GALNS: variants seen among roughly 807,000 people sequenced by gnomAD.
GALNS encodes galactosamine (N-acetyl)-6-sulfatase, also known as N-acetylgalactosamine-6-sulfatase.
GALNS carries 65 observed loss-of-function variants against 65.9 expected under a neutral mutation model. That is an observed-to-expected ratio of 0.99 (90% CI 0.81 to 1.21). GALNS has a LOEUF of 1.21. Among genes scored for constraint, GALNS ranks in the 50% most tolerant of loss-of-function variants. The pLI, the probability that GALNS is intolerant of heterozygous loss-of-function variation, is 0.00. For missense variants in GALNS, 776 were observed against 700.7 expected, an observed-to-expected ratio of 1.11 and a Z score of -1.21; for synonymous variants, 346 against 288.9, an observed-to-expected ratio of 1.20 and a Z score of -2.00.
intron 11 of GALNS, among the ~76,000 whole-genome samples, chr16:88,823,814 G>A (rs1028193033): frequency 4.8e-5 from 7 of 145,832 alleles, no homozygotes; most frequent in Non-Finnish European, 3.0e-5. Flanking sequence ...GCCCTCGCAG[G>A]CGGCAATGCC....
intron 1 of GALNS, chr16:88,856,429 C>G (rs1597612792): frequency 4.3e-6 from 3 of 700,858 alleles, no homozygotes; most frequent in Admixed American, 2.0e-5. Context: ...AGGCAGGGCC[C>G]GGTAGCACGC....
intron 13 of GALNS, chr16:88,817,200 A>G: frequency 1.0e-6 from 1 of 985,266 alleles, no homozygotes; most frequent in Non-Finnish European, 1.2e-6. Context: ...GGGGACAGAA[A>G]AGCTGCTCCT....
intron 3 of GALNS, 130 bp downstream of exon 3, chr16:88,841,767 A>T: frequency 1.2e-6 from 1 of 819,546 alleles, no homozygotes; most frequent in Non-Finnish European, 2.0e-6. Context: ...CCTAAGTCCC[A>T]GAGACCCAGG....
At position 88,835,843 on chromosome 16, in the gene GALNS, G is replaced by C. The variant is rs1424752390; in HGVS notation, c.640C>G (p.Leu214Val). 3.7e-6 allele frequency: 6 copies of C among 1,613,928 alleles called. No individual in the cohort carries two copies. The African/African-American group carries it at 8.0e-5, about 22-fold the overall frequency. Residue 214 changes from leucine to valine, a missense_variant, in exon 7 of 14, where the codon CTG (leucine) becomes GTG (valine). Physicochemically the swap from Leu to Val is conservative, Grantham distance 32. Coordinates refer to ENST00000268695, the MANE Select transcript of GALNS (RefSeq NM_000512.5). ...CGTGCCTGTCTCTTAATGAAGTCCA[G>C]GGCTTCCTATGGAGAGAGCCACACC... ...NLTQIYLQEALDFIKRQARHH... is the reference protein window; with the variant it reads ...NLTQIYLQEAVDFIKRQARHH...
chr16:88,818,070 C>A lies in GALNS; in HGVS notation c.1419G>T (p.Gln473His). ...EALSRITSVV[Q>H]QHQEALVPAQ... Reference sequence around the variant, plus strand: ...CGGGGACCAAGGCCTCCTGGTGCTGCTGGACGACCGAGGTGATCCTGCTGA... The same window carrying A: ...CGGGGACCAAGGCCTCCTGGTGCTGATGGACGACCGAGGTGATCCTGCTGA... Residue 473 changes from glutamine (Q) to histidine (H), a missense_variant, in exon 13 of 14, where the codon CAG becomes CAT. Coordinates refer to ENST00000268695, the MANE Select transcript of GALNS (RefSeq NM_000512.5). 1 of 1,575,902 alleles carries A rather than the reference C, an allele frequency of 6.3e-7. No individual in the cohort carries two copies. The highest frequency in any genetic ancestry group is 1.2e-5 in the South Asian group (1 of 86,502).
At chr16:88,845,332 C>T (rs1027168206) in intron 1 of GALNS, 12 of 151,900 alleles carry the variant, frequency 7.9e-5, no homozygotes, top group African/African-American at 2.7e-4. Context: ...GCCTGGGCAA[C>T]AGAGGGAGAC....
Position 88,837,784 on chromosome 16 carries a change from G to C in GALNS, c.423-19C>G, listed in dbSNP as rs748044178. ...CAGATGCCTGGAAACAGGAACCCAG[G>C]ACACTTCAGGGACCCCACGTGGGGA... On this transcript the variant is annotated intron_variant, in intron 4 of 13. Transcript: ENST00000268695. The C allele has an allele frequency of 3.1e-6, 5 of 1,613,456 alleles. No individual in the cohort carries two copies. Among genetic ancestry groups the C allele is most frequent in the South Asian group, 1.1e-5 (1 of 91,088 alleles).
intron 4 of GALNS, 74 bp downstream of exon 4, chr16:88,840,918 G>T: frequency 8.5e-7 from 1 of 1,174,652 alleles, no homozygotes; most frequent in Non-Finnish European, 1.3e-6. Flanking sequence ...GAAACTTGTG[G>T]CCATGTCCCT....
At chr16:88,855,549 G>A in intron 1 of GALNS, 1 of 700,044 alleles carries the variant, frequency 1.4e-6, no homozygotes, top group South Asian at 1.5e-5. Context: ...CATATGAGAT[G>A]GAAAAGCAGC....
intron 1 of GALNS, among the ~76,000 whole-genome samples, chr16:88,846,941 C>G: frequency 6.6e-6 from 1 of 152,058 alleles, no homozygotes; most frequent in East Asian, 1.9e-4. Flanking sequence ...CTGAGAAGCC[C>G]ACTTAGTGTG....
At chr16:88,828,085 CAGCGTTTGCCAGGAAAGTTCAGGA>C (rs1835535476) in intron 9 of GALNS, among the ~76,000 whole-genome samples, 3 of 152,234 alleles carry the variant, frequency 2.0e-5, no homozygotes, top group Admixed American at 1.3e-4. Flanking sequence ...ATGCAAAGCT[CAGCGTTTGCCAGGAAAGTTCAGGA>C]AGCTTTGCAG....
At chr16:88,837,188 G>A (rs573295728) in intron 5 of GALNS, among the ~76,000 whole-genome samples, 6 of 152,268 alleles carry the variant, frequency 3.9e-5, no homozygotes, top group East Asian at 1.9e-4. Flanking sequence ...GCACCAGGAC[G>A]GCTCTGTCTG....
Position 88,813,806 on chromosome 16 carries a change from C to CA in GALNS, c.*632dup, listed in dbSNP as rs1247672875. 1 of 155,426 alleles carries CA rather than the reference C, an allele frequency of 6.4e-6. No individual in the cohort carries two copies. Among genetic ancestry groups the CA allele is most frequent in the East Asian group, 1.9e-4 (1 of 5,248 alleles). The allele number at this position is 155,426 out of a possible 1,614,324, so 9.6% of individuals were successfully genotyped here. ...ACATAGTTACAATGATAAGAAGCTACACGCCTCCCTCATAATTAGCGTCCA... is the reference window on the plus strand; with the variant it reads ...ACATAGTTACAATGATAAGAAGCTACAACGCCTCCCTCATAATTAGCGTCCA... On this transcript the variant is annotated 3_prime_UTR_variant, in exon 14 of 14. Coordinates refer to ENST00000268695, the MANE Select transcript of GALNS (RefSeq NM_000512.5).
In GALNS at chr16:88,816,139, C is replaced by T. The variant is rs193002536; in HGVS notation, c.1483-1614G>A. 934 of 985,462 alleles carry T rather than the reference C, an allele frequency of 9.5e-4. 22 individuals are homozygous for T. The Admixed American group carries it at 0.048, about 51-fold the overall frequency. 61.0% of individuals were successfully genotyped at this position (985,462 alleles called of 1,614,324 possible). On this transcript the variant is annotated intron_variant, in intron 13 of 13. Transcript: ENST00000268695. ...GTCTGAGTTGGCACTTTTCCCCCTG[C>T]AGAGAGCACAGGTGTGGCGGTGGGG... is the stretch of plus-strand genomic sequence containing the variant.
At chr16:88,818,629 G>C (rs1219903888) in intron 12 of GALNS, among the ~76,000 whole-genome samples, 1 of 152,210 alleles carries the variant, frequency 6.6e-6, no homozygotes, top group East Asian at 1.9e-4. Context: ...TCTTCACGAA[G>C]ATACGATTAC....
intron 9 of GALNS, among the ~76,000 whole-genome samples, chr16:88,830,828 G>A (rs1214148904): frequency 6.6e-6 from 1 of 152,174 alleles, no homozygotes; most frequent in Non-Finnish European, 1.5e-5. Flanking sequence ...GTGTCGGGCT[G>A]CTGCTGTTCT....
At chr16:88,824,577 C>T (rs1342251424) in intron 11 of GALNS, among the ~76,000 whole-genome samples, 190 bp downstream of exon 11, 1 of 152,170 alleles carries the variant, frequency 6.6e-6, no homozygotes, top group African/African-American at 2.4e-5. Flanking sequence ...TCCCTCCCTC[C>T]TCTCCAGCCT....
At position 88,827,405 on chromosome 16, in the gene GALNS, G is replaced by T. The variant is rs566314993; in HGVS notation, c.1003-567C>A. Among the ~76,000 whole-genome samples, 30 of 152,306 alleles carry T rather than the reference G, an allele frequency of 2.0e-4. No individual in the cohort carries two copies. In the South Asian group the frequency reaches 5.6e-3, roughly 28 times the overall value. ...ACTGCTGACCAGCCATGAGCAGAGC[G>T]TGCCATCTGGCTTCCCTCAGTGGCC... On this transcript the variant is annotated intron_variant, in intron 9 of 13. Transcript: ENST00000268695.
chr16:88,847,451 G>A (rs1967301704), intron 1 of GALNS, among the ~76,000 whole-genome samples: 1 of 152,212 alleles, frequency 6.6e-6, no homozygotes, highest in African/African-American at 2.4e-5. Flanking sequence ...GTGGCTCCAG[G>A]ACTCACCCAC....
Sources: allele counts gnomAD v4.1 joint callset (sites outside exome capture counted in the v4.1 genomes callset), GRCh38; gene constraint gnomAD v4.1.1; transcripts MANE v1.5; gene names NCBI Gene and HGNC (gene_info 2026-07-23, HGNC 2026-07-21).